The following ROR2 variants were observed in gnomAD, a reference collection of about 807,000 sequenced individuals.
ROR2 encodes ROR family WNT receptor 2.
In ROR2, 33 loss-of-function variants were observed where a neutral mutation model predicts 74.9. The ratio of observed to expected loss-of-function variants is 0.44; its 90% confidence interval spans 0.33 to 0.59. The LOEUF (loss-of-function observed/expected upper bound fraction) is 0.59. ROR2 is among the 20% of genes least tolerant of loss of function. ROR2 has a pLI of 0.02. For missense variants in ROR2, 1,216 were observed against 1,313.8 expected, an observed-to-expected ratio of 0.93 and a Z score of 1.15; for synonymous variants, 586 against 558.7, an observed-to-expected ratio of 1.05 and a Z score of -0.69.
chr9:91,785,429 A>T lies in ROR2; in HGVS notation c.98-9611T>A, dbSNP rs78925779. Among the ~76,000 whole-genome samples, 238 of 152,334 alleles carry T rather than the reference A, an allele frequency of 1.6e-3. 1 individual carries two copies. The highest frequency in any genetic ancestry group is 5.5e-3 in the African/African-American group (230 of 41,580). ...CAGAGCACTGTGTGTGCACACATGC[A>T]TCTGGTTCACCATCTGTCTTTGCAT... is the stretch of plus-strand genomic sequence containing the variant. On this transcript the variant is annotated intron_variant, in intron 1 of 8. Transcript: ENST00000375708.
At chr9:91,858,925 G>A (rs1330610743) in intron 1 of ROR2, among the ~76,000 whole-genome samples, 1 of 152,160 alleles carries the variant, frequency 6.6e-6, no homozygotes, top group African/African-American at 2.4e-5. Flanking sequence ...CAGGCATCGG[G>A]CTCTATTGCC....
intron 1 of ROR2, among the ~76,000 whole-genome samples, chr9:91,857,955 G>C (rs993909805): frequency 4.6e-5 from 7 of 152,210 alleles, no homozygotes; most frequent in African/African-American, 1.7e-4. Flanking sequence ...TGGAGAAGGA[G>C]GGGGAGAGGG....
chr9:91,886,153 G>A (rs553896401), intron 1 of ROR2, among the ~76,000 whole-genome samples: 42 of 152,124 alleles, frequency 2.8e-4, no homozygotes, highest in Non-Finnish European at 5.6e-4. Context: ...TGGGATTACA[G>A]GCATGAGCTA....
At chr9:91,804,178 G>C (rs1013588501) in intron 1 of ROR2, among the ~76,000 whole-genome samples, 1 of 152,166 alleles carries the variant, frequency 6.6e-6, no homozygotes, top group African/African-American at 2.4e-5. Context: ...GCTCCGTCAG[G>C]GTCCCATTGC....
intron 2 of ROR2, among the ~76,000 whole-genome samples, chr9:91,774,274 T>G (rs1037249241): frequency 7.2e-5 from 11 of 152,230 alleles, no homozygotes; most frequent in Non-Finnish European, 1.2e-4. Context: ...CCACCCTGCA[T>G]GCTGGGCAGA....
chr9:91,929,218 G>C (rs1395200959), intron 1 of ROR2, among the ~76,000 whole-genome samples: 1 of 152,218 alleles, frequency 6.6e-6, no homozygotes, highest in Non-Finnish European at 1.5e-5. Context: ...ATACAAAGCA[G>C]GTTTTTGTAA....
chr9:91,727,431 G>A (rs766267421), intron 7 of ROR2, among the ~76,000 whole-genome samples: 18 of 151,020 alleles, frequency 1.2e-4, no homozygotes, highest in Admixed American at 3.3e-4. Flanking sequence ...ACAGGGAAAA[G>A]TAACTCTTTG....
At chr9:91,874,171 A>G (rs1829886721) in intron 1 of ROR2, among the ~76,000 whole-genome samples, 2 of 152,036 alleles carry the variant, frequency 1.3e-5, no homozygotes, top group African/African-American at 4.8e-5. Context: ...AAGAGAAAAG[A>G]CCCTTCATTT....
At chr9:91,870,851 CT>C (rs1323403603) in intron 1 of ROR2, among the ~76,000 whole-genome samples, 1 of 152,226 alleles carries the variant, frequency 6.6e-6, no homozygotes, top group Admixed American at 6.5e-5. Context: ...TAGAATAAGT[CT>C]TTTCTAGTGA....
At chr9:91,850,803 C>T (rs1829067105) in intron 1 of ROR2, among the ~76,000 whole-genome samples, 1 of 151,962 alleles carries the variant, frequency 6.6e-6, no homozygotes, top group African/African-American at 2.4e-5. Flanking sequence ...TGTCCTTTGC[C>T]CCTTCAATAG....
intron 2 of ROR2, among the ~76,000 whole-genome samples, chr9:91,771,722 TTC>T (rs34716594): frequency 4.0e-5 from 6 of 150,640 alleles, no homozygotes; most frequent in Admixed American, 6.6e-5. Flanking sequence ...CCTCTCTCTC[TTC>T]TCTCTCTCTC....
intron 7 of ROR2, among the ~76,000 whole-genome samples, chr9:91,728,136 C>T (rs1401215423): frequency 1.3e-5 from 2 of 152,198 alleles, no homozygotes; most frequent in Non-Finnish European, 2.9e-5. Context: ...CTGACACCAT[C>T]ACCTGCTTTT....
intron 1 of ROR2, among the ~76,000 whole-genome samples, chr9:91,779,070 G>C (rs1443801289): frequency 2.0e-5 from 3 of 152,134 alleles, no homozygotes; most frequent in African/African-American, 7.2e-5. Context: ...ACAGAAAAGG[G>C]ATATTAGGTA....
chr9:91,796,373 C>A (rs1162868401), intron 1 of ROR2, among the ~76,000 whole-genome samples: 1 of 143,860 alleles, frequency 7.0e-6, no homozygotes, highest in Non-Finnish European at 1.5e-5. Flanking sequence ...GTCAAGGCTG[C>A]AGTGAGCCGA....
intron 1 of ROR2, among the ~76,000 whole-genome samples, chr9:91,811,947 TAGTC>T (rs1827763755): frequency 6.6e-6 from 1 of 152,076 alleles, no homozygotes; most frequent in Non-Finnish European, 1.5e-5. Context: ...GGTTTGGTCT[TAGTC>T]AGGGATATCC....
At position 91,905,577 on chromosome 9, in the gene ROR2, C is replaced by G. The variant is rs1203841484; in HGVS notation, c.97+44290G>C. On this transcript the variant is annotated intron_variant, in intron 1 of 8. Coordinates refer to ENST00000375708, the MANE Select transcript of ROR2 (RefSeq NM_004560.4). This position sits in a 1 kb window ranked among gnomAD's most constrained non-coding sequence, Gnocchi z 5.3. ...ACAACACATACACAAACATACAACA[C>G]ATACACAAACATCACACATGCCACA... Among the ~76,000 whole-genome samples the G allele has an allele frequency of 6.6e-6, 1 of 151,792 alleles. No homozygotes were observed. The highest frequency in any genetic ancestry group is 1.5e-5 in the Non-Finnish European group (1 of 67,984).
intron 1 of ROR2, among the ~76,000 whole-genome samples, chr9:91,807,971 C>T (rs1563973624): frequency 6.6e-6 from 1 of 152,112 alleles, no homozygotes; most frequent in Non-Finnish European, 1.5e-5. Flanking sequence ...CCAGGGCTAG[C>T]TCGGTCGCAA....
intron 4 of ROR2, among the ~76,000 whole-genome samples, chr9:91,752,216 G>A (rs916770850): frequency 6.6e-6 from 1 of 152,198 alleles, no homozygotes; most frequent in African/African-American, 2.4e-5. Flanking sequence ...GCCCTATAAT[G>A]CAGCAATTCT....
At chr9:91,817,299 T>C (rs1035290869) in intron 1 of ROR2, among the ~76,000 whole-genome samples, 4 of 152,348 alleles carry the variant, frequency 2.6e-5, no homozygotes, top group Non-Finnish European at 4.4e-5. Flanking sequence ...GACCCTGGCG[T>C]GCCTCCACCA....
Sources: gnomAD v4.1 joint callset for allele counts (sites outside exome capture counted in the v4.1 genomes callset) on GRCh38, gnomAD v4.1.1 for gene constraint, Gnocchi (gnomAD v3.1) non-coding constraint, MANE v1.5 for transcripts, NCBI Gene and HGNC (gene_info 2026-07-23, HGNC 2026-07-21) for gene names.